CLYBL: variants seen among roughly 807,000 people sequenced by gnomAD.
CLYBL encodes the protein citramalyl-CoA lyase, mitochondrial.
Under a neutral mutation model 38.9 loss-of-function variants are expected in CLYBL, and 31 were observed. The ratio of observed to expected loss-of-function variants is 0.80; its 90% CI spans 0.60 to 1.08. The LOEUF is 1.08. Ranked by LOEUF, CLYBL falls within the 50% of genes least tolerant of loss-of-function variation. CLYBL has a pLI of 0.00. For missense variants in CLYBL, 434 were observed against 411.6 expected, an observed-to-expected ratio of 1.05 and a Z score of -0.47; for synonymous variants, 171 against 158.6, an observed-to-expected ratio of 1.08 and a Z score of -0.59.
At position 99,623,726 on chromosome 13, in the gene CLYBL, G is replaced by A. The variant is rs11841969; in HGVS notation, c.62+16969G>A. Among the ~76,000 whole-genome samples the A allele has an allele frequency of 1.1e-3, 161 of 152,232 alleles. 2 individuals carry two copies. The highest frequency in any genetic ancestry group is 3.8e-3 in the African/African-American group (158 of 41,524). On this transcript the variant is annotated intron_variant, in intron 1 of 8. Coordinates refer to ENST00000339105, the MANE Select transcript of CLYBL (RefSeq NM_206808.5). ...CCTGTAATTAGCACTTTGGGAGGCC[G>A]AGGTGGGCAGATCATGAGGTCAGGA...
chr13:99,770,894 G>C (rs369492827), intron 1 of CLYBL, among the ~76,000 whole-genome samples: 1 of 150,978 alleles, frequency 6.6e-6, no homozygotes, highest in Non-Finnish European at 1.5e-5. Flanking sequence ...GCTAATTTTT[G>C]TGTTTTTAGT....
chr13:99,899,065 C>G (rs546802107), downstream of CLYBL, among the ~76,000 whole-genome samples: 14 of 152,290 alleles, frequency 9.2e-5, no homozygotes, highest in East Asian at 1.9e-3. Context: ...GAAGAAGAAG[C>G]CATTTATTCT....
At chr13:99,723,861 A>G (rs539508395) in intron 1 of CLYBL, among the ~76,000 whole-genome samples, 1 of 152,156 alleles carries the variant, frequency 6.6e-6, no homozygotes, top group Non-Finnish European at 1.5e-5. Flanking sequence ...GGTTTCAGTG[A>G]TCTTTTTTGT....
chr13:99,764,216 C>G (rs1447574154), intron 1 of CLYBL, among the ~76,000 whole-genome samples: 1 of 151,938 alleles, frequency 6.6e-6, no homozygotes, highest in Admixed American at 6.6e-5. Flanking sequence ...TACCACCATG[C>G]CTGGCTAATT....
At chr13:99,680,411 G>A (rs2047718443) in intron 1 of CLYBL, among the ~76,000 whole-genome samples, 1 of 152,192 alleles carries the variant, frequency 6.6e-6, no homozygotes, top group Non-Finnish European at 1.5e-5. Context: ...GGTTAGGATA[G>A]CAGAGTTGCC....
At chr13:99,783,714 G>C (rs1364907951) in intron 2 of CLYBL, 2 of 152,058 alleles carry the variant, frequency 1.3e-5, no homozygotes, top group African/African-American at 4.8e-5. Context: ...CAAAGTGCTG[G>C]GATTACAGGC....
intron 1 of CLYBL, among the ~76,000 whole-genome samples, chr13:99,621,668 C>A (rs187096071): frequency 1.3e-5 from 2 of 152,294 alleles, no homozygotes; most frequent in East Asian, 3.9e-4. Flanking sequence ...GTCCCTGCAG[C>A]CTGTGGGCCA....
chr13:99,879,202 G>A (rs8002475), intron 7 of CLYBL, among the ~76,000 whole-genome samples: 59,144 of 151,996 alleles, frequency 0.39, 13,155 homozygotes, highest in African/African-American at 0.6. Flanking sequence ...AATTAGTCTT[G>A]CCAAGAACAA....
At chr13:99,728,734 TGC>T (rs2048528637) in intron 1 of CLYBL, among the ~76,000 whole-genome samples, 1 of 151,926 alleles carries the variant, frequency 6.6e-6, no homozygotes, top group African/African-American at 2.4e-5. Context: ...GGCTACTGTG[TGC>T]TTTTTTGTTT....
chr13:99,613,608 C>T (rs558295773), intron 1 of CLYBL, among the ~76,000 whole-genome samples: 8 of 151,798 alleles, frequency 5.3e-5, no homozygotes, highest in South Asian at 4.2e-4. Flanking sequence ...GAAGAGGGAG[C>T]GATGGGGAGA....
At chr13:99,732,174 T>TTG (rs1416904524) in intron 1 of CLYBL, among the ~76,000 whole-genome samples, 1 of 147,208 alleles carries the variant, frequency 6.8e-6, no homozygotes, top group African/African-American at 2.5e-5. Context: ...TGGCAGTTTT[T>TTG]TTTTTTTTTT....
chr13:99,762,124 A>T (rs182738847), intron 1 of CLYBL, among the ~76,000 whole-genome samples: 153 of 151,870 alleles, frequency 1.0e-3, no homozygotes, highest in Non-Finnish European at 1.6e-3. Flanking sequence ...TTGTCTCATC[A>T]TTTTTTTTAT....
rs565686920 is a variant in CLYBL at position 99,731,986 on chromosome 13, C to T, written c.63-40838C>T. On this transcript the variant is annotated intron_variant, in intron 1 of 8. Coordinates refer to ENST00000339105, the MANE Select transcript of CLYBL (RefSeq NM_206808.5). ...GGGCATACAGGCATCCCTGCACGAA[C>T]GGTACCAGGGGCTTGGGATGGCTGC... 1.4e-3 allele frequency among the ~76,000 whole-genome samples: 216 copies of T among 152,148 alleles called. 1 individual carries two copies. The highest frequency in any genetic ancestry group is 3.4e-3 in the Middle Eastern group (1 of 292).
chr13:99,833,050 TTTTTTTTTG>T (rs2050854811), intron 2 of CLYBL, among the ~76,000 whole-genome samples: 2 of 92,898 alleles, frequency 2.2e-5, no homozygotes, highest in African/African-American at 7.9e-5. Flanking sequence ...TTTTTTTTTT[TTTTTTTTTG>T]AGATGGAGTT....
chr13:99,845,219 A>T (rs2051172553), intron 2 of CLYBL, among the ~76,000 whole-genome samples: 1 of 152,124 alleles, frequency 6.6e-6, no homozygotes, highest in South Asian at 2.1e-4. Flanking sequence ...AAGCCGTTGA[A>T]CGTCCACACA....
At chr13:99,615,353 T>G (rs993018038) in intron 1 of CLYBL, among the ~76,000 whole-genome samples, 2 of 152,230 alleles carry the variant, frequency 1.3e-5, no homozygotes, top group East Asian at 3.9e-4. Context: ...AATTTAGGAA[T>G]GCAGGTTTCT....
chr13:99,877,762 C>G (rs541933194), intron 7 of CLYBL: 2 of 219,688 alleles, frequency 9.1e-6, no homozygotes, highest in African/African-American at 2.4e-5. Flanking sequence ...TTAGTAGAGA[C>G]GGTGTTTCAC....
intron 1 of CLYBL, among the ~76,000 whole-genome samples, chr13:99,656,231 A>G (rs1023937256): frequency 1.3e-5 from 2 of 152,178 alleles, no homozygotes; most frequent in African/African-American, 4.8e-5. Flanking sequence ...AATGGGGTGG[A>G]GAACCCCCAG....
At chr13:99,654,999 A>G (rs1424538564) in intron 1 of CLYBL, among the ~76,000 whole-genome samples, 3 of 151,902 alleles carry the variant, frequency 2.0e-5, no homozygotes, top group Non-Finnish European at 2.9e-5. Context: ...TGGCTGATCT[A>G]TCAGAAGAAG....
Sources: gnomAD v4.1 joint callset for allele counts (sites outside exome capture counted in the v4.1 genomes callset) on GRCh38, gnomAD v4.1.1 for gene constraint, MANE v1.5 for transcripts, NCBI Gene and HGNC (gene_info 2026-07-23, HGNC 2026-07-21) for gene names.